Variants in ADARB2 observed in about 807,000 individuals in gnomAD.
The protein encoded by ADARB2 is adenosine deaminase RNA specific B2 (inactive).
ADARB2 carries 25 observed loss-of-function variants against 62.2 expected under a neutral mutation model. The ratio of observed to expected loss-of-function variants is 0.40; its 90% CI spans 0.29 to 0.56. The LOEUF (loss-of-function observed/expected upper bound fraction) is 0.56, where lower values mean the gene tolerates loss of function less well. ADARB2 is among the 20% of genes least tolerant of loss of function. The probability of loss-of-function intolerance (pLI) is 0.43; values close to 1 mark genes in which losing one functional copy is unlikely to be tolerated. For synonymous variants in ADARB2, 572 were observed against 500.8 expected (o/e 1.14, Z -1.90); for missense variants, 1,071 against 1,077.4 (o/e 0.99, Z 0.08).
chr10:1,411,652 C>T (rs1432610422), intron 1 of ADARB2, among the ~76,000 whole-genome samples: 3 of 152,308 alleles, frequency 2.0e-5, no homozygotes, highest in Admixed American at 6.5e-5. Context: ...GGACACGTTG[C>T]AGCAACACCA....
At position 1,510,279 on chromosome 10, in the gene ADARB2, T is replaced by A. The variant is rs367828802; in HGVS notation, c.101-131119A>T. 2.7e-3 allele frequency among the ~76,000 whole-genome samples: 412 copies of A among 151,958 alleles called. 5 individuals carry two copies. The highest frequency in any genetic ancestry group is 8.9e-3 in the African/African-American group (370 of 41,444). On this transcript the variant is annotated intron_variant, in intron 1 of 9. Transcript: ENST00000381312. ...CACTGCAGCCTTGAGCTCCTGGGCT[T>A]AAGTGATTCTCCTGTCTCAGCTTCA...
intron 3 of ADARB2, among the ~76,000 whole-genome samples, chr10:1,293,243 A>G (rs1831491980): frequency 8.7e-6 from 1 of 114,536 alleles, no homozygotes; most frequent in South Asian, 3.9e-4. Flanking sequence ...GGAGAGAGGG[A>G]CGGGGGGAGA....
intron 1 of ADARB2, among the ~76,000 whole-genome samples, chr10:1,539,043 G>A (rs577259596): frequency 3.9e-5 from 6 of 152,270 alleles, no homozygotes; most frequent in African/African-American, 7.2e-5. Flanking sequence ...CATGCACGTC[G>A]GCCCTGGGAT....
chr10:1,453,345 A>G (rs1408359691), intron 1 of ADARB2, among the ~76,000 whole-genome samples: 2 of 152,160 alleles, frequency 1.3e-5, no homozygotes, highest in African/African-American at 4.8e-5. Context: ...CATTTGCCAA[A>G]TCCAATGTCA....
intron 3 of ADARB2, among the ~76,000 whole-genome samples, chr10:1,322,160 G>A (rs1336441452): frequency 6.6e-6 from 1 of 152,224 alleles, no homozygotes; most frequent in African/African-American, 2.4e-5. Context: ...TGAAGCCCTT[G>A]AAGCTTGGTG....
chr10:1,210,729 C>T (rs59508741), intron 7 of ADARB2, among the ~76,000 whole-genome samples: 5 of 152,356 alleles, frequency 3.3e-5, no homozygotes, highest in Non-Finnish European at 5.9e-5. Flanking sequence ...GGATGCTGAC[C>T]GTGTGGAGCA....
chr10:1,363,439 C>A lies in ADARB2; in HGVS notation c.666G>T (p.Thr222=), dbSNP rs745631256. 7.1e-7 allele frequency: 1 copy of A among 1,406,280 alleles called. No individual in the cohort carries two copies. Among genetic ancestry groups the A allele is most frequent in the Non-Finnish European group, 9.3e-7 (1 of 1,080,976 alleles). The allele number at this position is 1,406,280 out of a possible 1,614,324, so 87.1% of individuals were successfully genotyped here. The part of the protein sequence containing the change: ...FTSDQADFPD[T]LFQEFEPPAP... ...CCGGGGGCTCGAACTCCTGGAAGAG[C>A]GTGTCGGGGAAATCGGCCTGGTCGG... Residue 222 remains threonine, a synonymous_variant, in exon 3 of 10, where the codon ACG becomes ACT. Transcript: ENST00000381312.
chr10:1,649,001 A>C (rs1438559612), intron 1 of ADARB2, among the ~76,000 whole-genome samples: 1 of 152,212 alleles, frequency 6.6e-6, no homozygotes, highest in Non-Finnish European at 1.5e-5. Context: ...GGTGATAATA[A>C]GGCACTTTAC....
chr10:1,235,403 G>GC (rs1042362675), intron 5 of ADARB2, among the ~76,000 whole-genome samples: 8 of 72,874 alleles, frequency 1.1e-4, no homozygotes, highest in Admixed American at 8.7e-4. Flanking sequence ...GAGCTGAGCA[G>GC]CCCCACCTCT....
chr10:1,192,871 A>C (rs1293907729), intron 8 of ADARB2, among the ~76,000 whole-genome samples: 1 of 152,192 alleles, frequency 6.6e-6, no homozygotes, highest in Non-Finnish European at 1.5e-5. Context: ...TGAACCCGGG[A>C]GGCAGAGGTT....
At chr10:1,635,495 T>G (rs896219131) in intron 1 of ADARB2, among the ~76,000 whole-genome samples, 10 of 152,192 alleles carry the variant, frequency 6.6e-5, no homozygotes, top group Non-Finnish European at 1.0e-4. Flanking sequence ...ACCCAACAGG[T>G]CCCCTTGAGA....
At position 1,261,858 on chromosome 10, in the gene ADARB2, C is replaced by A. The variant is rs957665755; in HGVS notation, c.1192+9097G>T. Among the ~76,000 whole-genome samples the A allele has an allele frequency of 1.0e-4, 15 of 149,726 alleles. 1 individual carries two copies. The highest frequency in any genetic ancestry group is 3.8e-4 in the African/African-American group (15 of 39,280). ...ACATGCACACGTATGTTTATTGTGG[C>A]ATTATTCACAATAGCAAAGACTTGG... is the stretch of plus-strand genomic sequence containing the variant. On this transcript the variant is annotated intron_variant, in intron 4 of 9. Coordinates refer to ENST00000381312, the MANE Select transcript of ADARB2 (RefSeq NM_018702.4).
intron 3 of ADARB2, among the ~76,000 whole-genome samples, chr10:1,351,039 G>A (rs1395767041): frequency 1.3e-5 from 2 of 152,002 alleles, no homozygotes; most frequent in African/African-American, 2.4e-5. Context: ...CAGAAATCTG[G>A]CCACCGGGCC....
At chr10:1,526,319 C>T (rs115577771) in intron 1 of ADARB2, among the ~76,000 whole-genome samples, 2,252 of 152,028 alleles carry the variant, frequency 0.015, 51 homozygotes, top group African/African-American at 0.051. Context: ...GTAGAGGAGG[C>T]AAGGAGCTGT....
intron 1 of ADARB2, among the ~76,000 whole-genome samples, chr10:1,590,291 T>C (rs1833235074): frequency 6.6e-6 from 1 of 152,252 alleles, no homozygotes; most frequent in African/African-American, 2.4e-5. Context: ...CAGCTATTAA[T>C]ACCAGGAATT....
In ADARB2 at chr10:1,324,440, T is replaced by C. The variant is rs185328348; in HGVS notation, c.1077+38588A>G. 5.9e-5 allele frequency among the ~76,000 whole-genome samples: 9 copies of C among 152,330 alleles called. No homozygotes were observed. In the East Asian group the frequency reaches 1.7e-3, roughly 29 times the overall value. On this transcript the variant is annotated intron_variant, in intron 3 of 9. Transcript: ENST00000381312. Reference sequence around the variant, plus strand: ...TTCACACAGAAAATTTGTAGTGATGTTTATAGCAGCTGCGTTCATATGAGC... The same window carrying C: ...TTCACACAGAAAATTTGTAGTGATGCTTATAGCAGCTGCGTTCATATGAGC...
chr10:1,349,956 T>G (rs1832119923), intron 3 of ADARB2, among the ~76,000 whole-genome samples: 1 of 152,138 alleles, frequency 6.6e-6, no homozygotes, highest in South Asian at 2.1e-4. Flanking sequence ...TACCCTTCCC[T>G]TTAAACTTGC....
rs375204270 is a variant in ADARB2 at position 1,348,065 on chromosome 10, C to G, written c.1077+14963G>C. Among the ~76,000 whole-genome samples the G allele has an allele frequency of 5.9e-5, 9 of 151,718 alleles. No homozygotes were observed. The South Asian group carries it at 1.7e-3, about 28-fold the overall frequency. ...ACAGAAGAGGGAGACAGAGACAGAG[C>G]GAAACAGAGACAGTGGGAATGTGAA... On this transcript the variant is annotated intron_variant, in intron 3 of 9. Coordinates refer to ENST00000381312, the MANE Select transcript of ADARB2 (RefSeq NM_018702.4).
At chr10:1,282,061 G>C (rs1262438331) in intron 3 of ADARB2, among the ~76,000 whole-genome samples, 2 of 152,186 alleles carry the variant, frequency 1.3e-5, no homozygotes, top group African/African-American at 4.8e-5. Context: ...CCTCCTGGCT[G>C]GGGTCCCCAC....
Sources: allele counts gnomAD v4.1 joint callset (sites outside exome capture counted in the v4.1 genomes callset), GRCh38; gene constraint gnomAD v4.1.1; transcripts MANE v1.5; gene names NCBI Gene and HGNC (gene_info 2026-07-23, HGNC 2026-07-21).